The following CYTH1 variants were observed in gnomAD, a reference collection of about 807,000 sequenced individuals.
CYTH1 encodes the protein cytohesin-1.
In CYTH1, 18 loss-of-function variants were observed where a neutral mutation model predicts 61.8. The observed-to-expected ratio is 0.29, with a 90% CI of 0.20 to 0.43. The LOEUF (loss-of-function observed/expected upper bound fraction) is 0.43, where lower values mean the gene tolerates loss of function less well. Among genes scored for constraint, CYTH1 ranks in the 20% least tolerant of loss-of-function variants. The pLI, the probability that CYTH1 is intolerant of heterozygous loss-of-function variation, is 1.00. For missense variants in CYTH1, 336 were observed against 510.5 expected (o/e 0.66, Z 3.29); for synonymous variants, 174 against 184.3 (o/e 0.94, Z 0.45).
intron 7 of CYTH1, 124 bp from the exon 8 acceptor site, chr17:78,699,092 T>C (rs1188158303): frequency 8.3e-7 from 1 of 1,204,812 alleles, no homozygotes; most frequent in African/African-American, 1.6e-5. Flanking sequence ...CTCGGCCAGA[T>C]GCAGTGGCTT....
At chr17:78,734,575 G>A (rs2093311807) in intron 1 of CYTH1, among the ~76,000 whole-genome samples, 1 of 150,692 alleles carries the variant, frequency 6.6e-6, no homozygotes, top group East Asian at 2.0e-4. Flanking sequence ...AAGTAGCTGG[G>A]ATTACGGGCT....
chr17:78,748,171 C>G (rs2093366463), intron 1 of CYTH1, among the ~76,000 whole-genome samples: 1 of 152,198 alleles, frequency 6.6e-6, no homozygotes, highest in Non-Finnish European at 1.5e-5. Flanking sequence ...ACTAAAGATG[C>G]TGACCCACAT....
chr17:78,767,006 G>A (rs2065967612), intron 1 of CYTH1, among the ~76,000 whole-genome samples: 1 of 152,138 alleles, frequency 6.6e-6, no homozygotes, highest in East Asian at 1.9e-4. Context: ...CCACCCACAG[G>A]GTAACTGTGA....
Position 78,681,795 on chromosome 17 carries a change from G to C in CYTH1, c.892-753C>G, listed in dbSNP as rs1366071122. Among the ~76,000 whole-genome samples the C allele has an allele frequency of 2.0e-5, 3 of 146,870 alleles. No homozygotes were observed. In the South Asian group the frequency reaches 6.6e-4, roughly 32 times the overall value. Reference sequence around the variant, plus strand: ...GGAGCCTGCAGTGGGCCCAGATAGCGCCACTGCACTCCAGCCTGGGTGACA... The same window carrying C: ...GGAGCCTGCAGTGGGCCCAGATAGCCCCACTGCACTCCAGCCTGGGTGACA... On this transcript the variant is annotated intron_variant, in intron 11 of 13. Transcript: ENST00000446868.
At chr17:78,697,968 T>C (rs1007245733) in intron 9 of CYTH1, among the ~76,000 whole-genome samples, 6 of 152,194 alleles carry the variant, frequency 3.9e-5, no homozygotes, top group Non-Finnish European at 8.8e-5. Flanking sequence ...CCCAGTAGTC[T>C]CTGTGTCCCA....
intron 1 of CYTH1, among the ~76,000 whole-genome samples, chr17:78,760,384 T>TATATACATAC (rs751494741): frequency 1.9e-5 from 1 of 51,406 alleles, no homozygotes; most frequent in African/African-American, 8.0e-5. Flanking sequence ...TATATATATA[T>TATATACATAC]ACACACACAT....
intron 1 of CYTH1, among the ~76,000 whole-genome samples, chr17:78,775,555 T>C (rs1008810115): frequency 2.0e-5 from 3 of 152,216 alleles, no homozygotes; most frequent in African/African-American, 7.2e-5. Context: ...ATTTGTTCTT[T>C]CTTGTTTTAG....
rs1321443290 is a variant in CYTH1 at position 78,760,559 on chromosome 17, A to G, written c.22+21643T>C. On this transcript the variant is annotated intron_variant, in intron 1 of 13. Transcript: ENST00000446868. ...TACATATATATGTATATATATATGT[A>G]TATATATATACACATACATATATAT... is the stretch of plus-strand genomic sequence containing the variant. Among the ~76,000 whole-genome samples the G allele has an allele frequency of 5.4e-3, 185 of 34,458 alleles. 46 individuals are homozygous for G. The highest frequency in any genetic ancestry group is 0.01 in the Non-Finnish European group (150 of 14,500). The allele number at this position is 34,458 out of a possible 152,430, so 22.6% of individuals were successfully genotyped here.
At chr17:78,751,334 G>A (rs2093379400) in intron 1 of CYTH1, among the ~76,000 whole-genome samples, 1 of 152,180 alleles carries the variant, frequency 6.6e-6, no homozygotes, top group Non-Finnish European at 1.5e-5. Flanking sequence ...ACTCATTCCT[G>A]AGCAAAGCTT....
intron 10 of CYTH1, among the ~76,000 whole-genome samples, chr17:78,695,480 T>C (rs1394574636): frequency 2.0e-5 from 3 of 152,210 alleles, no homozygotes; most frequent in Non-Finnish European, 4.4e-5. Flanking sequence ...AATTTAGTTC[T>C]TTCCCTAGTT....
At chr17:78,693,085 A>G (rs1381545236) in intron 10 of CYTH1, among the ~76,000 whole-genome samples, 2 of 152,190 alleles carry the variant, frequency 1.3e-5, no homozygotes, top group Non-Finnish European at 2.9e-5. Flanking sequence ...CTTATGTGCT[A>G]GTGTCCTGAA....
At chr17:78,750,375 T>C (rs934688396) in intron 1 of CYTH1, among the ~76,000 whole-genome samples, 2 of 152,178 alleles carry the variant, frequency 1.3e-5, no homozygotes, top group Non-Finnish European at 2.9e-5. Context: ...GCTGTGGCCA[T>C]GCCAACTGTG....
intron 1 of CYTH1, among the ~76,000 whole-genome samples, chr17:78,748,495 A>T (rs2093367725): frequency 6.6e-6 from 1 of 152,264 alleles, no homozygotes. Context: ...TATAAGCACC[A>T]GCCATTTAAT....
At chr17:78,729,849 A>C (rs1021377176) in intron 1 of CYTH1, among the ~76,000 whole-genome samples, 2 of 152,140 alleles carry the variant, frequency 1.3e-5, no homozygotes, top group Non-Finnish European at 2.9e-5. Flanking sequence ...AGAAGGACAC[A>C]CTTGAAACTG....
chr17:78,751,939 T>C (rs988285584), intron 1 of CYTH1, among the ~76,000 whole-genome samples: 3 of 152,196 alleles, frequency 2.0e-5, no homozygotes, highest in South Asian at 2.1e-4. Context: ...TTTCACCATG[T>C]TGGCCAGGCT....
At chr17:78,683,670 C>T (rs2092786771) in intron 11 of CYTH1, among the ~76,000 whole-genome samples, 1 of 152,222 alleles carries the variant, frequency 6.6e-6, no homozygotes, top group Admixed American at 6.5e-5. Flanking sequence ...GCCTAGAGTC[C>T]CTCATCCAGA....
chr17:78,717,904 C>A lies in CYTH1; in HGVS notation c.23-8172G>T, dbSNP rs74001214. 6.6e-6 allele frequency among the ~76,000 whole-genome samples: 1 copy of A among 152,140 alleles called. No individual in the cohort carries two copies. The highest frequency in any genetic ancestry group is 1.5e-5 in the Non-Finnish European group (1 of 68,036). On this transcript the variant is annotated intron_variant, in intron 1 of 13. Coordinates refer to ENST00000446868, the MANE Select transcript of CYTH1 (RefSeq NM_004762.6). This position sits in a 1 kb window ranked among gnomAD's most constrained non-coding sequence, Gnocchi z 4.4. ...CTCTGCCTAGCTTTCAAATACATCA[C>A]TTGCCTTATTTTTTTCCACTATAAT...
At chr17:78,772,045 TCCTCCATG>T (rs2093473413) in intron 1 of CYTH1, among the ~76,000 whole-genome samples, 1 of 152,136 alleles carries the variant, frequency 6.6e-6, no homozygotes, top group Non-Finnish European at 1.5e-5. Context: ...ATTTTCCACC[TCCTCCATG>T]CCTCTATGAT....
intron 11 of CYTH1, among the ~76,000 whole-genome samples, chr17:78,687,251 T>C (rs1008998060): frequency 1.3e-5 from 2 of 151,722 alleles, no homozygotes; most frequent in Non-Finnish European, 2.9e-5. Flanking sequence ...CCAACATGTG[T>C]TGCTTGTGTC....
Sources: gnomAD v4.1 joint callset for allele counts (sites outside exome capture counted in the v4.1 genomes callset) on GRCh38, gnomAD v4.1.1 for gene constraint, Gnocchi (gnomAD v3.1) non-coding constraint, MANE v1.5 for transcripts, NCBI Gene and HGNC (gene_info 2026-07-23, HGNC 2026-07-21) for gene names.